CLDN18: variants seen among roughly 807,000 people sequenced by gnomAD.
CLDN18 encodes claudin 18.
A neutral mutation model predicts 25.0 loss-of-function variants in CLDN18; 20 were observed. The observed-to-expected ratio is 0.80, with a 90% CI of 0.56 to 1.16. The LOEUF is 1.16. Ranked by LOEUF, CLDN18 falls within the 50% of genes most tolerant of loss-of-function variation. The pLI is 0.00. For missense variants in CLDN18, 297 were observed against 345.4 expected, an observed-to-expected ratio of 0.86 and a Z score of 1.11; for synonymous variants, 125 against 135.6, an observed-to-expected ratio of 0.92 and a Z score of 0.54.
chr3:138,017,693 A>C (rs1942222685), intron 1 of CLDN18, among the ~76,000 whole-genome samples: 2 of 152,230 alleles, frequency 1.3e-5, no homozygotes, highest in African/African-American at 4.8e-5. Context: ...AAGTGATTAT[A>C]AGTTAGTTAT....
At chr3:138,029,976 C>T in intron 4 of CLDN18, 69 bp downstream of exon 4, 2 of 970,096 alleles carry the variant, frequency 2.1e-6, no homozygotes, top group Non-Finnish European at 3.2e-6. Flanking sequence ...GTATAACTTG[C>T]AGCCAAAAAA....
At chr3:138,015,058 G>A (rs904546801) in intron 1 of CLDN18, among the ~76,000 whole-genome samples, 19 of 152,098 alleles carry the variant, frequency 1.2e-4, no homozygotes, top group African/African-American at 4.6e-4. Context: ...CACTGGAGCT[G>A]GAGTTAGAAG....
At chr3:138,016,272 T>C (rs1365634726) in intron 1 of CLDN18, among the ~76,000 whole-genome samples, 11 of 152,182 alleles carry the variant, frequency 7.2e-5, no homozygotes. Context: ...TCTGCATCCT[T>C]TTCCCCTGCC....
chr3:138,002,828 G>C (rs541455403), intron 1 of CLDN18, among the ~76,000 whole-genome samples: 2 of 152,296 alleles, frequency 1.3e-5, no homozygotes, highest in African/African-American at 4.8e-5. Context: ...ATTGGGTTTA[G>C]ACAAAGTCCC....
chr3:138,006,701 C>T (rs115000314), upstream of CLDN18, among the ~76,000 whole-genome samples: 1,254 of 152,254 alleles, frequency 8.2e-3, 21 homozygotes, highest in African/African-American at 0.026. Flanking sequence ...AGAAAACTTA[C>T]CAGGAAGTGA....
intron 2 of CLDN18, among the ~76,000 whole-genome samples, chr3:138,024,315 A>G (rs532335074): frequency 6.6e-6 from 1 of 152,326 alleles, no homozygotes; most frequent in South Asian, 2.1e-4. Context: ...AGATACTTTG[A>G]CATTACCAAA....
rs574690650 is a variant in CLDN18 at position 138,031,259 on chromosome 3, C to T, written c.*118C>T. ...ACTCACAGCTGGAAGTTAGAAAAGC[C>T]TCGATTTCATCTTTGGAGAGGCCAA... On this transcript the variant is annotated 3_prime_UTR_variant, in exon 5 of 5. Transcript: ENST00000183605. 8.7e-5 allele frequency: 80 copies of T among 923,210 alleles called. No individual in the cohort carries two copies. Among genetic ancestry groups the T allele is most frequent in the Middle Eastern group, 3.5e-4 (1 of 2,820 alleles). 57.2% of individuals were successfully genotyped at this position (923,210 alleles called of 1,614,324 possible).
In CLDN18 at chr3:138,010,367, G is replaced by C. The variant is rs766775832; in HGVS notation, c.142G>C (p.Gly48Arg). The C allele has an allele frequency of 1.2e-6, 2 of 1,614,238 alleles. No individual in the cohort carries two copies. The highest frequency in any genetic ancestry group is 2.7e-5 in the African/African-American group (2 of 75,074). The change falls in exon 1 of 5, where the codon GGG becomes CGG. Residue 48 changes from glycine (G) to arginine (R), a missense_variant. Coordinates refer to ENST00000183605, the MANE Select transcript of CLDN18 (RefSeq NM_016369.4). ...NPVTSVFQYE[G>R]LWRSCVRQSS... ...CGTCACCTCCGTGTTCCAGTACGAA[G>C]GGCTCTGGAGGAGCTGCGTGAGGCA...
At chr3:138,005,210 GT>G (rs1197660326), upstream of CLDN18, 1 of 151,464 alleles carries the variant, frequency 6.6e-6, no homozygotes, top group Non-Finnish European at 1.5e-5. Flanking sequence ...TGGGTTTTTT[GT>G]TTTTTTTCTT....
chr3:138,013,000 G>A (rs138119555), intron 1 of CLDN18, among the ~76,000 whole-genome samples: 5 of 152,324 alleles, frequency 3.3e-5, no homozygotes, highest in Non-Finnish European at 7.3e-5. Context: ...TCTATGTGGT[G>A]TTTCCCTTCA....
intron 3 of CLDN18, among the ~76,000 whole-genome samples, chr3:138,026,986 A>G (rs1942335030): frequency 6.6e-6 from 1 of 152,224 alleles, no homozygotes; most frequent in Admixed American, 6.5e-5. Flanking sequence ...AGAGGCAGCC[A>G]CAGGGGCCAG....
intron 3 of CLDN18, among the ~76,000 whole-genome samples, 164 bp downstream of exon 3, chr3:138,024,888 C>T (rs547868739): frequency 1.3e-5 from 2 of 152,328 alleles, no homozygotes; most frequent in East Asian, 1.9e-4. Flanking sequence ...AATTCATAAA[C>T]TTCATTTCAG....
intron 4 of CLDN18, 127 bp from the exon 5 acceptor site, chr3:138,030,843 C>T: frequency 1.2e-6 from 1 of 834,856 alleles, no homozygotes; most frequent in East Asian, 2.4e-5. Context: ...CCTGGTTTGC[C>T]CCGGACTGAT....
upstream of CLDN18, among the ~76,000 whole-genome samples, chr3:138,006,986 G>A (rs932107260): frequency 6.6e-6 from 1 of 152,202 alleles, no homozygotes; most frequent in Non-Finnish European, 1.5e-5. Context: ...ACTGGGGGGG[G>A]AATTGCCATA....
chr3:138,004,461 G>GC (rs1553720537), intron 1 of CLDN18, among the ~76,000 whole-genome samples: 1 of 146,898 alleles, frequency 6.8e-6, no homozygotes, highest in Non-Finnish European at 1.5e-5. Flanking sequence ...AAAAACGAAA[G>GC]TTTTTTTTTT....
chr3:138,030,320 A>G (rs919274390), intron 4 of CLDN18, among the ~76,000 whole-genome samples: 1 of 152,256 alleles, frequency 6.6e-6, no homozygotes, highest in African/African-American at 2.4e-5. Flanking sequence ...TACAGTGCAC[A>G]GAACTGTGCC....
intron 1 of CLDN18, 54 bp from the exon 2 acceptor site, chr3:138,023,604 A>G: frequency 6.4e-7 from 1 of 1,569,958 alleles, no homozygotes; most frequent in Non-Finnish European, 8.7e-7. Flanking sequence ...AGCCTAATCA[A>G]GTGTGCTGAG....
chr3:138,015,852 C>G (rs72991132), intron 1 of CLDN18, among the ~76,000 whole-genome samples: 3,359 of 152,320 alleles, frequency 0.022, 99 homozygotes, highest in African/African-American at 0.068. Context: ...AATGTATCAT[C>G]ATGTCTCTTT....
At chr3:138,005,955 T>C (rs1210490269), upstream of CLDN18, among the ~76,000 whole-genome samples, 1 of 152,198 alleles carries the variant, frequency 6.6e-6, no homozygotes, top group Non-Finnish European at 1.5e-5. Flanking sequence ...AATGAAATAC[T>C]AACACACTCA....
Sources: allele counts gnomAD v4.1 joint callset (sites outside exome capture counted in the v4.1 genomes callset), GRCh38; gene constraint gnomAD v4.1.1; transcripts MANE v1.5; gene names NCBI Gene and HGNC (gene_info 2026-07-23, HGNC 2026-07-21).